ATP6V0D1: variants seen among roughly 807,000 people sequenced by gnomAD.
ATP6V0D1 encodes ATPase H+ transporting V0 subunit d1.
Under a neutral mutation model 39.0 loss-of-function variants are expected in ATP6V0D1, and 13 were observed. The observed-to-expected ratio is 0.33, with a 90% CI of 0.22 to 0.53. ATP6V0D1 has a LOEUF of 0.53. Among genes scored for constraint, ATP6V0D1 ranks in the 20% least tolerant of loss-of-function variants. ATP6V0D1 has a pLI of 0.94. For synonymous variants in ATP6V0D1, 191 were observed against 191.2 expected, an observed-to-expected ratio of 1.00 and a Z score of 0.01; for missense variants, 272 against 470.9, an observed-to-expected ratio of 0.58 and a Z score of 3.91.
In ATP6V0D1 at chr16:67,438,522, A is replaced by G; in HGVS notation, c.*6T>C. 1 of 1,614,076 alleles carries G rather than the reference A, an allele frequency of 6.2e-7. No individual in the cohort carries two copies. ...AGAGTGCAATTGAGAGCCTTGGGCC[A>G]GGACGCTAGAAGATAGGGATGTAGT... On this transcript the variant is annotated 3_prime_UTR_variant, in exon 8 of 8. Coordinates refer to ENST00000290949, the MANE Select transcript of ATP6V0D1 (RefSeq NM_004691.5).
chr16:67,465,840 G>C (rs752929773), intron 1 of ATP6V0D1, among the ~76,000 whole-genome samples: 4 of 152,182 alleles, frequency 2.6e-5, no homozygotes, highest in Non-Finnish European at 5.9e-5. Flanking sequence ...TTAAGTGAGG[G>C]AAGTAGGGCC....
At position 67,450,487 on chromosome 16, in the gene ATP6V0D1, A is replaced by G. The variant is rs1201530713; in HGVS notation, c.302+3057T>C. Among the ~76,000 whole-genome samples the G allele has an allele frequency of 3.9e-5, 6 of 152,036 alleles. No homozygotes were observed. The East Asian group carries it at 1.2e-3, about 29-fold the overall frequency. On this transcript the variant is annotated intron_variant, in intron 2 of 7. Transcript: ENST00000290949. ...AGAGCGGAGAAGGGAGAGTGGCCAG[A>G]GAGGTAGGAGTTAAGTCAGAGAGGC... is the stretch of plus-strand genomic sequence containing the variant.
intron 2 of ATP6V0D1, among the ~76,000 whole-genome samples, chr16:67,451,296 G>A (rs982030460): frequency 6.6e-6 from 1 of 152,180 alleles, no homozygotes; most frequent in African/African-American, 2.4e-5. Context: ...CAAGAGAGCT[G>A]CGGATGTTGG....
At position 67,480,948 on chromosome 16, in the gene ATP6V0D1, C is replaced by G; in HGVS notation, c.130+9G>C. 1.2e-6 allele frequency: 2 copies of G among 1,613,654 alleles called. No homozygotes were observed. The highest frequency in any genetic ancestry group is 8.5e-7 in the Non-Finnish European group (1 of 1,179,692). ...GCCTCTATCCCCGCCTTTCGCGGCCCCGGCTCACCCTCTAGCGTCTCGCAC... is the reference window on the plus strand; with the variant it reads ...GCCTCTATCCCCGCCTTTCGCGGCCGCGGCTCACCCTCTAGCGTCTCGCAC... On this transcript the variant is annotated intron_variant, in intron 1 of 7. Transcript: ENST00000290949.
At chr16:67,472,596 G>A (rs1038486718) in intron 1 of ATP6V0D1, among the ~76,000 whole-genome samples, 9 of 152,164 alleles carry the variant, frequency 5.9e-5, no homozygotes, top group East Asian at 3.9e-4. Context: ...GGCTGGGCGC[G>A]GTGGCTCATG....
intron 1 of ATP6V0D1, among the ~76,000 whole-genome samples, chr16:67,478,933 G>A (rs763169752): frequency 4.6e-5 from 7 of 150,640 alleles, no homozygotes; most frequent in Non-Finnish European, 7.3e-5. Flanking sequence ...GATGATCAAT[G>A]ATGTTCACCT....
At position 67,438,430 on chromosome 16, in the gene ATP6V0D1, C is replaced by T; in HGVS notation, c.*98G>A. ...ACACCCCGGACAGGCAGGTGAGCCA[C>T]AGGCTTGTCACAGACCACATACACA... is the stretch of plus-strand genomic sequence containing the variant. On this transcript the variant is annotated 3_prime_UTR_variant, in exon 8 of 8. Transcript: ENST00000290949. 6.9e-7 allele frequency: 1 copy of T among 1,446,178 alleles called. No homozygotes were observed. The highest frequency in any genetic ancestry group is 9.4e-7 in the Non-Finnish European group (1 of 1,067,406). 89.6% of individuals were successfully genotyped at this position (1,446,178 alleles called of 1,614,324 possible). A position where few individuals can be genotyped will look rare whatever the true frequency, so the allele number is the denominator to read the frequency against.
intron 2 of ATP6V0D1, among the ~76,000 whole-genome samples, chr16:67,445,631 C>T (rs1158279133): frequency 2.0e-5 from 3 of 152,208 alleles, no homozygotes; most frequent in Admixed American, 6.5e-5. Flanking sequence ...TCAGGTCGAT[C>T]CCAGGCCGAG....
At position 67,481,102 on chromosome 16, in the gene ATP6V0D1, G is replaced by T. The variant is rs781339595; in HGVS notation, c.-16C>A. The T allele has an allele frequency of 1.2e-6, 2 of 1,613,632 alleles. No individual in the cohort carries two copies. The highest frequency in any genetic ancestry group is 1.7e-6 in the Non-Finnish European group (2 of 1,179,680). ...AGAACGACATGGCTGCTGCGGGAGC[G>T]GCGGGACCGGAGAACCAGGACCGGC... On this transcript the variant is annotated 5_prime_UTR_variant, in exon 1 of 8. Coordinates refer to ENST00000290949, the MANE Select transcript of ATP6V0D1 (RefSeq NM_004691.5).
intron 2 of ATP6V0D1, among the ~76,000 whole-genome samples, chr16:67,449,192 G>A (rs181165206): frequency 6.6e-6 from 1 of 152,370 alleles, no homozygotes; most frequent in South Asian, 2.1e-4. Flanking sequence ...AGATCCCCCA[G>A]GTGGTGCAGG....
chr16:67,478,613 CA>C (rs1292018624), intron 1 of ATP6V0D1, among the ~76,000 whole-genome samples: 205 of 51,550 alleles, frequency 4.0e-3, no homozygotes, highest in African/African-American at 6.0e-3. Flanking sequence ...GACTCTGTCT[CA>C]AAAAAAAAAA....
At chr16:67,466,428 C>T (rs2041331511) in intron 1 of ATP6V0D1, among the ~76,000 whole-genome samples, 1 of 151,222 alleles carries the variant, frequency 6.6e-6, no homozygotes, top group Admixed American at 6.6e-5. Flanking sequence ...ACTCAGGAGG[C>T]TGAGGCAGGA....
At position 67,447,131 on chromosome 16, in the gene ATP6V0D1, G is replaced by T. The variant is rs902977845; in HGVS notation, c.303-2425C>A. ...CACTCAGGGCATCTGTTTATGTGGGGGAAATGCTGAGCCTAGTAAGGGCCA... is the reference window on the plus strand; with the variant it reads ...CACTCAGGGCATCTGTTTATGTGGGTGAAATGCTGAGCCTAGTAAGGGCCA... On this transcript the variant is annotated intron_variant, in intron 2 of 7. Transcript: ENST00000290949. The surrounding 1 kb of genome is among the most constrained non-coding windows in gnomAD (Gnocchi z 4.1). Among the ~76,000 whole-genome samples the T allele has an allele frequency of 6.6e-6, 1 of 152,184 alleles. No individual in the cohort carries two copies. Among genetic ancestry groups the T allele is most frequent in the African/African-American group, 2.4e-5 (1 of 41,428 alleles).
In ATP6V0D1 at chr16:67,443,142, A is replaced by G; in HGVS notation, c.518T>C (p.Leu173Pro). The G allele has an allele frequency of 6.2e-7, 1 of 1,613,974 alleles. No individual in the cohort carries two copies. Residue 173 changes from leucine to proline, a missense_variant, in exon 4 of 8, where the codon CTT becomes CCT. Coordinates refer to ENST00000290949, the MANE Select transcript of ATP6V0D1 (RefSeq NM_004691.5). ...GATGATCTCGATGTTCATCTCGTCAAGGTCCTGCTCTGAAATGCAGTCCTG... is the reference window on the plus strand; with the variant it reads ...GATGATCTCGATGTTCATCTCGTCAGGGTCCTGCTCTGAAATGCAGTCCTG... ...FFQDCISEQD[L>P]DEMNIEIIRN... is the part of the protein sequence containing the mutation.
chr16:67,446,398 G>A (rs981862888), intron 2 of ATP6V0D1, among the ~76,000 whole-genome samples: 5 of 152,180 alleles, frequency 3.3e-5, no homozygotes, highest in Non-Finnish European at 7.4e-5. Flanking sequence ...CAATCTGGCT[G>A]GGTCAGCTAC....
Position 67,438,317 on chromosome 16 carries a change from GT to G in ATP6V0D1, c.*210del. 1.6e-6 allele frequency: 1 copy of G among 619,076 alleles called. No homozygotes were observed. Among genetic ancestry groups the G allele is most frequent in the East Asian group, 2.9e-5 (1 of 34,828 alleles). 38.3% of individuals were successfully genotyped at this position (619,076 alleles called of 1,614,324 possible). A position where few individuals can be genotyped will look rare whatever the true frequency, so the allele number is the denominator to read the frequency against. On this transcript the variant is annotated 3_prime_UTR_variant, in exon 8 of 8. Transcript: ENST00000290949. ...TGGAGGGGGTCTTCGTCCATCCTTG[GT>G]GGGGGGGGGTGCCCAGCCCCTTTTC...
rs2041473560 is a variant in ATP6V0D1 at position 67,481,149 on chromosome 16, A to C, written c.-63T>G. 3 of 1,603,066 alleles carry C rather than the reference A, an allele frequency of 1.9e-6. No individual in the cohort carries two copies. Among genetic ancestry groups the C allele is most frequent in the South Asian group, 2.2e-5 (2 of 90,106 alleles). ...CGGCCGGCACGAATCGCGACTCCCCAGGTCAGCTGACGCTGCGTCCTCAGC... is the reference window on the plus strand; with the variant it reads ...CGGCCGGCACGAATCGCGACTCCCCCGGTCAGCTGACGCTGCGTCCTCAGC... On this transcript the variant is annotated 5_prime_UTR_variant, in exon 1 of 8. Coordinates refer to ENST00000290949, the MANE Select transcript of ATP6V0D1 (RefSeq NM_004691.5).
chr16:67,469,906 C>G (rs2041359530), intron 1 of ATP6V0D1, among the ~76,000 whole-genome samples: 1 of 152,214 alleles, frequency 6.6e-6, no homozygotes, highest in African/African-American at 2.4e-5. Flanking sequence ...AACTTGGCGC[C>G]TATGCTTCCA....
At chr16:67,454,632 T>G (rs994281625) in intron 1 of ATP6V0D1, 2 of 152,070 alleles carry the variant, frequency 1.3e-5, no homozygotes, top group African/African-American at 4.8e-5. Context: ...TAGTCTCAAG[T>G]GATCCTCTGG....
Sources: gnomAD v4.1 joint callset for allele counts (sites outside exome capture counted in the v4.1 genomes callset) on GRCh38, gnomAD v4.1.1 for gene constraint, Gnocchi (gnomAD v3.1) non-coding constraint, MANE v1.5 for transcripts, NCBI Gene and HGNC (gene_info 2026-07-23, HGNC 2026-07-21) for gene names.